CAPS2: variants seen among roughly 807,000 people sequenced by gnomAD.
The protein encoded by CAPS2 is calcyphosin-2.
A neutral mutation model predicts 86.5 loss-of-function variants in CAPS2; 98 were observed. The ratio of observed to expected loss-of-function variants is 1.13; its 90% CI spans 0.96 to 1.34. The LOEUF (loss-of-function observed/expected upper bound fraction) is 1.34, where lower values mean the gene tolerates loss of function less well. CAPS2 is among the 40% of genes most tolerant of loss of function. CAPS2 has a pLI of 0.00. For missense variants in CAPS2, 729 were observed against 686.8 expected, an observed-to-expected ratio of 1.06 and a Z score of -0.69; for synonymous variants, 210 against 225.1, an observed-to-expected ratio of 0.93 and a Z score of 0.60.
chr12:75,339,815 G>A (rs1471634146), intron 1 of CAPS2, among the ~76,000 whole-genome samples: 1 of 152,096 alleles, frequency 6.6e-6, no homozygotes, highest in Non-Finnish European at 1.5e-5. Flanking sequence ...TGGCTAGCCA[G>A]TTCTCCCAGC....
chr12:75,355,623 G>C (rs183362138), intron 1 of CAPS2, among the ~76,000 whole-genome samples: 1 of 152,144 alleles, frequency 6.6e-6, no homozygotes, highest in South Asian at 2.1e-4. Flanking sequence ...CAATCCCATC[G>C]CTAGGTATAT....
chr12:75,350,083 G>C (rs895658536), intron 1 of CAPS2, among the ~76,000 whole-genome samples: 2 of 152,218 alleles, frequency 1.3e-5, no homozygotes, highest in African/African-American at 4.8e-5. Flanking sequence ...GTTTGGACCA[G>C]GAGAAATTCC....
intron 1 of CAPS2, among the ~76,000 whole-genome samples, chr12:75,363,378 T>C (rs560025392): frequency 6.6e-6 from 1 of 152,274 alleles, no homozygotes; most frequent in South Asian, 2.1e-4. Flanking sequence ...CTTCACTGAT[T>C]ACTCCCCCTC....
intron 1 of CAPS2, among the ~76,000 whole-genome samples, chr12:75,380,064 T>C (rs1004130456): frequency 6.6e-6 from 1 of 151,928 alleles, no homozygotes; most frequent in African/African-American, 2.4e-5. Context: ...AGTAATATAT[T>C]ACAAAATACA....
intron 1 of CAPS2, among the ~76,000 whole-genome samples, chr12:75,350,740 A>C (rs2042751686): frequency 6.6e-6 from 1 of 152,244 alleles, no homozygotes; most frequent in Non-Finnish European, 1.5e-5. Flanking sequence ...AAGATGAGAA[A>C]GAATCAACGC....
At chr12:75,278,996 T>C (rs1258313337) in exon 17 of CAPS2, 1 of 1,610,868 alleles carries the variant, frequency 6.2e-7, no homozygotes, top group Admixed American at 1.7e-5. Flanking sequence ...TGACACTTCA[T>C]CAGACTTGCT....
chr12:75,293,959 G>A (rs1055441678), intron 11 of CAPS2, among the ~76,000 whole-genome samples: 3 of 152,026 alleles, frequency 2.0e-5, no homozygotes, highest in African/African-American at 7.2e-5. Context: ...TTGAGATGGA[G>A]TCTCGCACTG....
intron 6 of CAPS2, among the ~76,000 whole-genome samples, chr12:75,315,274 C>T (rs929339600): frequency 5.9e-5 from 9 of 152,100 alleles, no homozygotes; most frequent in Admixed American, 2.6e-4. Flanking sequence ...ATACCCATTT[C>T]AAATATAACT....
intron 1 of CAPS2, among the ~76,000 whole-genome samples, chr12:75,337,015 A>C (rs190447855): frequency 1.3e-5 from 2 of 151,976 alleles, no homozygotes; most frequent in African/African-American, 4.8e-5. Flanking sequence ...TCCATAAGTT[A>C]AAGAATAAAT....
intron 6 of CAPS2, among the ~76,000 whole-genome samples, chr12:75,314,498 A>T (rs1207937248): frequency 1.3e-5 from 2 of 152,154 alleles, no homozygotes; most frequent in East Asian, 1.9e-4. Context: ...TATAAAGCTT[A>T]TGTTATTTAA....
At chr12:75,305,957 G>C in intron 7 of CAPS2, 1 of 1,233,676 alleles carries the variant, frequency 8.1e-7, no homozygotes, top group Non-Finnish European at 1.2e-6. Flanking sequence ...GAGGAGCATG[G>C]ACAGGGTGGC....
At chr12:75,388,928 TG>T (rs1295298866) in intron 1 of CAPS2, among the ~76,000 whole-genome samples, 1 of 152,184 alleles carries the variant, frequency 6.6e-6, no homozygotes, top group African/African-American at 2.4e-5. Flanking sequence ...CTCTCAGTTT[TG>T]TTGTGAACCT....
chr12:75,371,753 G>T (rs569705386), intron 1 of CAPS2, among the ~76,000 whole-genome samples: 27 of 152,224 alleles, frequency 1.8e-4, no homozygotes, highest in African/African-American at 6.3e-4. Flanking sequence ...GGAATAAAAT[G>T]AAGATACTTT....
intron 1 of CAPS2, chr12:75,363,206 T>C (rs1462953176): frequency 3.4e-6 from 4 of 1,164,604 alleles, no homozygotes; most frequent in African/African-American, 1.6e-5. Flanking sequence ...CAAAAATATA[T>C]ATATATAATT....
chr12:75,295,229 G>T (rs1211166978), intron 11 of CAPS2: 1 of 152,154 alleles, frequency 6.6e-6, no homozygotes, highest in Non-Finnish European at 1.5e-5. Context: ...AAACATATTT[G>T]ACTACAAAAC....
intron 11 of CAPS2, among the ~76,000 whole-genome samples, chr12:75,295,573 T>C (rs1386257065): frequency 6.6e-6 from 1 of 152,240 alleles, no homozygotes; most frequent in East Asian, 1.9e-4. Flanking sequence ...TTGCAGCTTA[T>C]CACATTTAAA....
At chr12:75,300,552 T>C (rs2037670725) in intron 8 of CAPS2, among the ~76,000 whole-genome samples, 1 of 69,548 alleles carries the variant, frequency 1.4e-5, no homozygotes, top group Non-Finnish European at 2.6e-5. Context: ...CCAGACTCCG[T>C]CTCAAAAAAA....
intron 7 of CAPS2, among the ~76,000 whole-genome samples, chr12:75,311,634 G>A (rs573701919): frequency 7.6e-6 from 1 of 131,504 alleles, no homozygotes; most frequent in Admixed American, 9.2e-5. Flanking sequence ...GAAGAACCAG[G>A]AGAGATTCTG....
intron 1 of CAPS2, among the ~76,000 whole-genome samples, chr12:75,382,136 G>A (rs907111305): frequency 2.0e-5 from 3 of 151,736 alleles, no homozygotes; most frequent in African/African-American, 7.3e-5. Flanking sequence ...AAGATCAATC[G>A]AGTATGTAAA....
Sources: gnomAD v4.1 joint callset for allele counts (sites outside exome capture counted in the v4.1 genomes callset) on GRCh38, gnomAD v4.1.1 for gene constraint, MANE v1.5 for transcripts, NCBI Gene and HGNC (gene_info 2026-07-23, HGNC 2026-07-21) for gene names.